Variants in ADAMTS5 observed in about 807,000 individuals in gnomAD.
ADAMTS5 encodes the protein A disintegrin and metalloproteinase with thrombospondin motifs 5.
In ADAMTS5, 54 loss-of-function variants were observed where a neutral mutation model predicts 81.4. That is an observed-to-expected ratio of 0.66 (90% CI 0.53 to 0.83). The LOEUF is 0.83. Ranked by LOEUF, ADAMTS5 falls within the 40% of genes least tolerant of loss-of-function variation. The pLI is 0.00. For synonymous variants in ADAMTS5, 532 were observed against 508.8 expected, an observed-to-expected ratio of 1.05 and a Z score of -0.61; for missense variants, 1,194 against 1,229.9, an observed-to-expected ratio of 0.97 and a Z score of 0.44.
At chr21:26,935,868 A>ATATTATTATATGTAG (rs1987004745) in intron 3 of ADAMTS5, among the ~76,000 whole-genome samples, 2 of 152,170 alleles carry the variant, frequency 1.3e-5, no homozygotes, top group Non-Finnish European at 2.9e-5. Context: ...TAGGATTTAC[A>ATATTATTATATGTAG]CAATTATTAT....
chr21:26,965,959 C>T lies in ADAMTS5; in HGVS notation c.433G>A (p.Val145Ile), dbSNP rs777026421. The T allele has an allele frequency of 3.1e-6, 5 of 1,613,492 alleles. No homozygotes were observed. The East Asian group carries it at 1.1e-4, about 36-fold the overall frequency. The change falls in exon 1 of 8, where the codon GTC becomes ATC. Residue 145 changes from valine (V) to isoleucine (I), a missense_variant. Physicochemically the swap from Val to Ile is conservative, Grantham distance 29 (BLOSUM62 3). This residue lies in a region of ADAMTS5 where 498 missense variants were observed against 412.3 expected (regional missense o/e 1.21). Coordinates refer to ENST00000284987, the MANE Select transcript of ADAMTS5 (RefSeq NM_007038.5). Reference sequence around the variant, plus strand: ...TCGAGACCCCCACAGAGGTCAAAGACAGCCAGAGAGCGGGGACTACCGTCC... The same window carrying T: ...TCGAGACCCCCACAGAGGTCAAAGATAGCCAGAGAGCGGGGACTACCGTCC... ...TVDGSPRSLA[V>I]FDLCGGLDGF...
rs761297413 is a variant in ADAMTS5 at position 26,920,900 on chromosome 21, A to T, written c.*3153T>A. 6.6e-6 allele frequency: 1 copy of T among 152,498 alleles called. No homozygotes were observed. The highest frequency in any genetic ancestry group is 1.5e-5 in the Non-Finnish European group (1 of 67,990). 9.4% of individuals were successfully genotyped at this position (152,498 alleles called of 1,614,324 possible). ...GTATCAGAATAAGAATACATGAGGA[A>T]TATATACATATACACCTGCTTCACA... On this transcript the variant is annotated 3_prime_UTR_variant, in exon 8 of 8. Transcript: ENST00000284987.
rs760670166 is a variant in ADAMTS5, at chr21:26,924,191, G to C, written c.2655C>G (p.Leu885=). ...SQPQWVTGPW[L]ACSRTCDTGW... ...CTGTGTCACAGGTCCTAGAGCAGGCGAGCCATGGGCCCGTGACCCACTGCG... is the reference window on the plus strand; with the variant it reads ...CTGTGTCACAGGTCCTAGAGCAGGCCAGCCATGGGCCCGTGACCCACTGCG... The change falls in exon 8 of 8, where the codon CTC becomes CTG. Residue 885 remains leucine, a synonymous_variant. Coordinates refer to ENST00000284987, the MANE Select transcript of ADAMTS5 (RefSeq NM_007038.5). 2 of 1,614,170 alleles carry C rather than the reference G, an allele frequency of 1.2e-6. No individual in the cohort carries two copies. Among genetic ancestry groups the C allele is most frequent in the South Asian group, 1.1e-5 (1 of 91,080 alleles).
intron 1 of ADAMTS5, among the ~76,000 whole-genome samples, chr21:26,962,212 A>T (rs1170189058): frequency 2.7e-5 from 1 of 37,468 alleles, no homozygotes. Context: ...CAAATGGTCT[A>T]AAAAAAAACG....
At chr21:26,949,201 A>AGAGG (rs1568848299) in intron 2 of ADAMTS5, among the ~76,000 whole-genome samples, 1 of 139,292 alleles carries the variant, frequency 7.2e-6, no homozygotes, top group East Asian at 2.0e-4. Flanking sequence ...ATATATATGG[A>AGAGG]GAGAGAGAGA....
chr21:26,942,550 G>A (rs1209458879), intron 3 of ADAMTS5, among the ~76,000 whole-genome samples: 1 of 152,110 alleles, frequency 6.6e-6, no homozygotes, highest in African/African-American at 2.4e-5. Flanking sequence ...TCTTTAGAGT[G>A]CTAATGCATC....
rs746158660 is a variant in ADAMTS5, at chr21:26,924,250, C to T, written c.2596G>A (p.Gly866Ser). The stretch of plus-strand genomic sequence containing the variant: ...GTGTGTGATCCCACTTTATTGCTGC[C>T]ATGACTAGTGACAGAGTTTACTTTT... ...TPKVNSVTSH[G>S]SNKVGSHTSQ... Residue 866 changes from glycine (G) to serine (S), a missense_variant, in exon 8 of 8, where the codon GGC becomes AGC. Around this residue, in one of 2 missense-constraint regions of ADAMTS5, gnomAD observed 696 missense variants for 817.6 expected, o/e 0.85. Transcript: ENST00000284987. 2 of 1,614,150 alleles carry T rather than the reference C, an allele frequency of 1.2e-6. No homozygotes were observed. Among genetic ancestry groups the T allele is most frequent in the East Asian group, 4.5e-5 (2 of 44,872 alleles).
chr21:26,958,068 T>G (rs1987462496), intron 1 of ADAMTS5, among the ~76,000 whole-genome samples: 1 of 152,194 alleles, frequency 6.6e-6, no homozygotes, highest in Non-Finnish European at 1.5e-5. Context: ...TGGGCAGTAC[T>G]GGGTGGTGAA....
At chr21:26,947,655 G>A (rs996526799) in intron 2 of ADAMTS5, among the ~76,000 whole-genome samples, 9 of 152,042 alleles carry the variant, frequency 5.9e-5, no homozygotes, top group Admixed American at 3.9e-4. Context: ...GGGTGGTCTC[G>A]AACTCCTGAC....
chr21:26,954,847 C>T lies in ADAMTS5; in HGVS notation c.1129G>A (p.Asp377Asn). 6.2e-7 allele frequency: 1 copy of T among 1,614,000 alleles called. No individual in the cohort carries two copies. The highest frequency in any genetic ancestry group is 1.6e-4 in the Middle Eastern group (1 of 6,062). ...REDLCGHHSC[D>N]TLGMADVGTI... is the part of the protein sequence containing the mutation. ...CCAACGTCTGCCATTCCCAGGGTGT[C>T]ACATGAATGATGCCCACATAAATCC... The change falls in exon 2 of 8, where the codon GAC becomes AAC. Residue 377 changes from aspartate to asparagine, a missense_variant. By Grantham distance (23) the Asp-to-Asn change is conservative. Around this residue, in one of 2 missense-constraint regions of ADAMTS5, gnomAD observed 696 missense variants for 817.6 expected, o/e 0.85. Transcript: ENST00000284987.
chr21:26,964,051 G>A (rs765892521), intron 1 of ADAMTS5, among the ~76,000 whole-genome samples: 60 of 152,256 alleles, frequency 3.9e-4, no homozygotes, highest in Admixed American at 1.2e-3. Flanking sequence ...TCTAAAGTCT[G>A]CAATCCATCA....
intron 7 of ADAMTS5, among the ~76,000 whole-genome samples, chr21:26,926,879 C>T (rs569576558): frequency 1.3e-5 from 2 of 152,008 alleles, no homozygotes; most frequent in African/African-American, 4.8e-5. Context: ...TGGGTGTTTA[C>T]CCTTGTTCCT....
chr21:26,942,218 C>T (rs1987127883), intron 3 of ADAMTS5, among the ~76,000 whole-genome samples: 1 of 152,048 alleles, frequency 6.6e-6, no homozygotes, highest in Non-Finnish European at 1.5e-5. Flanking sequence ...AGCTGAATTT[C>T]TTTAAGTCTG....
Position 26,966,847 on chromosome 21 carries a change from G to A in ADAMTS5, c.-456C>T, listed in dbSNP as rs1031914467. ...CTGCGCTGGACAAGCCGGCTGTGGAGGTTCCAAGCTCCGGGGCCCACTTCC... is the reference window on the plus strand; with the variant it reads ...CTGCGCTGGACAAGCCGGCTGTGGAAGTTCCAAGCTCCGGGGCCCACTTCC... On this transcript the variant is annotated 5_prime_UTR_variant, in exon 1 of 8. Transcript: ENST00000284987. 1.3e-5 allele frequency among the ~76,000 whole-genome samples: 2 copies of A among 152,276 alleles called. No individual in the cohort carries two copies. The highest frequency in any genetic ancestry group is 3.9e-4 in the East Asian group (2 of 5,164).
intron 1 of ADAMTS5, among the ~76,000 whole-genome samples, chr21:26,957,513 G>A (rs1483593517): frequency 1.3e-5 from 2 of 152,146 alleles, no homozygotes; most frequent in Non-Finnish European, 2.9e-5. Flanking sequence ...ATACTGGAGA[G>A]ATGTGAATCA....
In ADAMTS5 at chr21:26,934,523, C is replaced by T; in HGVS notation, c.1632G>A (p.Lys544=). The change falls in exon 4 of 8, where the codon AAG becomes AAA. Residue 544 remains lysine, a synonymous_variant. Coordinates refer to ENST00000284987, the MANE Select transcript of ADAMTS5 (RefSeq NM_007038.5). ...LPAVEGTPCG[K]GRICLQGKCV... ...ATTTGCCCTGCAGGCAGATTCTCCC[C>T]TTTCCACAAGGCGTCCCTTCCACCG... is the stretch of plus-strand genomic sequence containing the variant. 1 of 1,614,208 alleles carries T rather than the reference C, an allele frequency of 6.2e-7. No individual in the cohort carries two copies. The highest frequency in any genetic ancestry group is 8.5e-7 in the Non-Finnish European group (1 of 1,180,046).
At chr21:26,951,490 G>T (rs971507720) in intron 2 of ADAMTS5, among the ~76,000 whole-genome samples, 1 of 151,562 alleles carries the variant, frequency 6.6e-6, no homozygotes, top group South Asian at 2.1e-4. Context: ...TAAAAAGGAA[G>T]GGGGATGGTG....
Position 26,921,812 on chromosome 21 carries a change from T to C in ADAMTS5, c.*2241A>G, listed in dbSNP as rs986022961. The C allele has an allele frequency of 6.6e-6, 1 of 152,474 alleles. No individual in the cohort carries two copies. The highest frequency in any genetic ancestry group is 2.4e-5 in the African/African-American group (1 of 41,424). The allele number at this position is 152,474 out of a possible 1,614,324, so 9.4% of individuals were successfully genotyped here. A position where few individuals can be genotyped will look rare whatever the true frequency, so the allele number is the denominator to read the frequency against. ...CATGACAGGTGTAAACCATCACTATTTGAGGGAAACATGAATCATTGATAA... is the reference window on the plus strand; with the variant it reads ...CATGACAGGTGTAAACCATCACTATCTGAGGGAAACATGAATCATTGATAA... On this transcript the variant is annotated 3_prime_UTR_variant, in exon 8 of 8. Transcript: ENST00000284987.
chr21:26,940,268 GTA>G (rs1460978136), intron 3 of ADAMTS5, among the ~76,000 whole-genome samples: 1 of 152,144 alleles, frequency 6.6e-6, no homozygotes, highest in East Asian at 1.9e-4. Context: ...TTGAAAAATT[GTA>G]TATGTGTTGT....
Sources: gnomAD v4.1 joint callset for allele counts (sites outside exome capture counted in the v4.1 genomes callset) on GRCh38, gnomAD v4.1.1 for gene constraint, gnomAD v4.1.1 regional missense constraint, MANE v1.5 for transcripts, NCBI Gene and HGNC (gene_info 2026-07-23, HGNC 2026-07-21) for gene names.